The following ADAMTS6 variants were observed in gnomAD, a reference collection of about 807,000 sequenced individuals.
The protein encoded by ADAMTS6 is A disintegrin and metalloproteinase with thrombospondin motifs 6.
In ADAMTS6, 23 loss-of-function variants were observed where a neutral mutation model predicts 144.3. The ratio of observed to expected loss-of-function variants is 0.16; its 90% CI spans 0.11 to 0.23. ADAMTS6 has a LOEUF of 0.23. ADAMTS6 is among the 10% of genes least tolerant of loss of function. The pLI, the probability that ADAMTS6 is intolerant of heterozygous loss-of-function variation, is 1.00. For missense variants in ADAMTS6, 999 were observed against 1,379.6 expected (o/e 0.72, Z 4.37); for synonymous variants, 444 against 457.5 (o/e 0.97, Z 0.38).
At chr5:65,170,572 G>A in intron 24 of ADAMTS6, 45 bp downstream of exon 24, 1 of 1,602,740 alleles carries the variant, frequency 6.2e-7, no homozygotes. Context: ...AACAGTAAAG[G>A]TGGGTCATTA....
intron 14 of ADAMTS6, among the ~76,000 whole-genome samples, chr5:65,246,769 T>C (rs537933655): frequency 3.9e-5 from 6 of 152,168 alleles, no homozygotes; most frequent in Non-Finnish European, 7.4e-5. Flanking sequence ...TTCCACGCCA[T>C]TGTTTCTAGA....
chr5:65,325,992 A>G (rs947181734), intron 9 of ADAMTS6, among the ~76,000 whole-genome samples: 1 of 152,144 alleles, frequency 6.6e-6, no homozygotes, highest in African/African-American at 2.4e-5. Context: ...AAAATTCAAG[A>G]TGTTGCTATT....
intron 3 of ADAMTS6, among the ~76,000 whole-genome samples, chr5:65,460,567 T>C (rs1759572459): frequency 6.6e-6 from 1 of 152,232 alleles, no homozygotes; most frequent in East Asian, 1.9e-4. Flanking sequence ...GTACTAAGCA[T>C]GTCACATACG....
intron 7 of ADAMTS6, among the ~76,000 whole-genome samples, chr5:65,449,700 G>A (rs1758587533): frequency 6.6e-6 from 1 of 152,072 alleles, no homozygotes; most frequent in Non-Finnish European, 1.5e-5. Context: ...GGCACTCGAA[G>A]TAGCTTACAA....
At chr5:65,439,159 T>G (rs1757680167) in intron 7 of ADAMTS6, among the ~76,000 whole-genome samples, 1 of 151,610 alleles carries the variant, frequency 6.6e-6, no homozygotes, top group African/African-American at 2.4e-5. Context: ...GAAGTGTGAG[T>G]CCATATTTAA....
intron 4 of ADAMTS6, among the ~76,000 whole-genome samples, chr5:65,455,415 G>A (rs1266376096): frequency 6.6e-6 from 1 of 152,042 alleles, no homozygotes; most frequent in Non-Finnish European, 1.5e-5. Context: ...GGTGGCAGGC[G>A]CCTGTAATCC....
At chr5:65,329,119 G>C (rs1746454761) in intron 9 of ADAMTS6, among the ~76,000 whole-genome samples, 1 of 152,066 alleles carries the variant, frequency 6.6e-6, no homozygotes, top group African/African-American at 2.4e-5. Context: ...TAAGGAAACA[G>C]GTATTGAGGA....
At chr5:65,259,612 T>C (rs1243910974) in intron 14 of ADAMTS6, among the ~76,000 whole-genome samples, 2 of 152,084 alleles carry the variant, frequency 1.3e-5, no homozygotes, top group African/African-American at 2.4e-5. Flanking sequence ...AAAAACCTGA[T>C]AGGAGCAATT....
At chr5:65,289,040 C>T (rs1267163067) in intron 11 of ADAMTS6, among the ~76,000 whole-genome samples, 1 of 152,146 alleles carries the variant, frequency 6.6e-6, no homozygotes, top group Non-Finnish European at 1.5e-5. Flanking sequence ...TAACATATTG[C>T]ACTTAAACAA....
Position 65,462,796 on chromosome 5 carries a change from A to C in ADAMTS6, c.463-2458T>G, listed in dbSNP as rs1759721801. Among the ~76,000 whole-genome samples, 3 of 152,180 alleles carry C rather than the reference A, an allele frequency of 2.0e-5. No homozygotes were observed. In the South Asian group the frequency reaches 6.2e-4, roughly 31 times the overall value. ...TTGGTGGGAGGAGCTAGAAAAAGCT[A>C]ATTAGGTTGGCGTGGTGGGTCATAC... On this transcript the variant is annotated intron_variant, in intron 3 of 24. Transcript: ENST00000381055.
intron 20 of ADAMTS6, among the ~76,000 whole-genome samples, chr5:65,202,847 G>A (rs1755826169): frequency 6.6e-6 from 1 of 152,088 alleles, no homozygotes; most frequent in Non-Finnish European, 1.5e-5. Flanking sequence ...AGTGGTTTAG[G>A]TAAATGACCT....
At chr5:65,212,504 A>T (rs1163654202) in intron 20 of ADAMTS6, among the ~76,000 whole-genome samples, 2 of 150,834 alleles carry the variant, frequency 1.3e-5, no homozygotes, top group African/African-American at 4.9e-5. Flanking sequence ...GGAAAAAAAT[A>T]ACACTCATTT....
At position 65,226,116 on chromosome 5, in the gene ADAMTS6, T is replaced by C; in HGVS notation, c.2037A>G (p.Ser679=). The change falls in exon 16 of 25, where the codon TCA becomes TCG. Residue 679 remains serine, a synonymous_variant. Transcript: ENST00000381055. ...VIDGTQCNAD[S]LDICINGECK... ...ATTCTCCATTGATGCAGATATCCAG[T>C]GAATCCGCATTGCACTGGGTCCCAT... 6.2e-7 allele frequency: 1 copy of C among 1,612,552 alleles called. No individual in the cohort carries two copies. Among genetic ancestry groups the C allele is most frequent in the Non-Finnish European group, 8.5e-7 (1 of 1,179,082 alleles).
Position 65,151,711 on chromosome 5 carries a change from G to T in ADAMTS6, c.*125C>A. ...AAATTTTGTCAGCTAGGGCTGACCA[G>T]TGGTTACGTTTTCCACAGGGTAATG... On this transcript the variant is annotated 3_prime_UTR_variant, in exon 25 of 25. Coordinates refer to ENST00000381055, the MANE Select transcript of ADAMTS6 (RefSeq NM_197941.4). 1 of 774,884 alleles carries T rather than the reference G, an allele frequency of 1.3e-6. No homozygotes were observed. The allele number at this position is 774,884 out of a possible 1,614,324, so 48.0% of individuals were successfully genotyped here. A position where few individuals can be genotyped will look rare whatever the true frequency, so the allele number is the denominator to read the frequency against.
At chr5:65,220,703 C>T (rs1007120698) in intron 18 of ADAMTS6, among the ~76,000 whole-genome samples, 23 of 151,862 alleles carry the variant, frequency 1.5e-4, no homozygotes, top group African/African-American at 4.8e-4. Context: ...GCCGAGATTG[C>T]GCCACTGCAC....
chr5:65,223,945 G>A (rs1028257122), intron 18 of ADAMTS6, among the ~76,000 whole-genome samples: 9 of 151,620 alleles, frequency 5.9e-5, no homozygotes, highest in East Asian at 1.9e-4. Context: ...GACTACAGGC[G>A]CCCACCACCA....
intron 7 of ADAMTS6, among the ~76,000 whole-genome samples, chr5:65,391,102 G>A (rs1752877608): frequency 6.6e-6 from 1 of 151,830 alleles, no homozygotes; most frequent in Non-Finnish European, 1.5e-5. Flanking sequence ...TGCATTTTTT[G>A]TAGAGTCAGG....
intron 8 of ADAMTS6, among the ~76,000 whole-genome samples, chr5:65,333,131 G>T (rs968529395): frequency 7.2e-5 from 11 of 152,040 alleles, no homozygotes; most frequent in Admixed American, 2.6e-4. Flanking sequence ...TTGTTTTACA[G>T]ATAAGAAAAT....
chr5:65,162,453 T>C (rs1752834079), intron 24 of ADAMTS6, among the ~76,000 whole-genome samples: 1 of 152,138 alleles, frequency 6.6e-6, no homozygotes. Context: ...CATGCAAATA[T>C]AGTTGAAATG....
Sources: gnomAD v4.1 joint callset for allele counts (sites outside exome capture counted in the v4.1 genomes callset) on GRCh38, gnomAD v4.1.1 for gene constraint, MANE v1.5 for transcripts, NCBI Gene and HGNC (gene_info 2026-07-23, HGNC 2026-07-21) for gene names.